The following ZRANB3 variants were observed in gnomAD, a reference collection of about 807,000 sequenced individuals.
ZRANB3 encodes DNA annealing helicase and endonuclease ZRANB3.
In ZRANB3, 125 loss-of-function variants were observed where a neutral mutation model predicts 133.8. The ratio of observed to expected loss-of-function variants is 0.93; its 90% confidence interval spans 0.81 to 1.08. The LOEUF (loss-of-function observed/expected upper bound fraction) is 1.08, where lower values mean the gene tolerates loss of function less well. Ranked by LOEUF, ZRANB3 falls within the 50% of genes least tolerant of loss-of-function variation. The pLI is 0.00. For synonymous variants in ZRANB3, 387 were observed against 432.7 expected (o/e 0.89, Z 1.31); for missense variants, 1,229 against 1,275.5 (o/e 0.96, Z 0.56).
intron 2 of ZRANB3, among the ~76,000 whole-genome samples, chr2:135,414,391 CAAG>C (rs1444253917): frequency 2.1e-5 from 3 of 143,928 alleles, no homozygotes; most frequent in African/African-American, 7.3e-5. Flanking sequence ...AACAGTTCAA[CAAG>C]AAGAGCTAAC....
intron 8 of ZRANB3, among the ~76,000 whole-genome samples, chr2:135,291,842 G>T (rs1046316445): frequency 2.6e-5 from 4 of 151,648 alleles, no homozygotes. Flanking sequence ...GAGAACATGC[G>T]GTGTTTGGTT....
chr2:135,283,634 A>G (rs1558885231), intron 8 of ZRANB3, among the ~76,000 whole-genome samples: 1 of 151,524 alleles, frequency 6.6e-6, no homozygotes. Flanking sequence ...AAAAAAACTG[A>G]ATTCAATTTT....
rs182771661 is a variant in ZRANB3, at chr2:135,419,940, G to T, written c.162-29120C>A. Among the ~76,000 whole-genome samples, 22 of 150,888 alleles carry T rather than the reference G, an allele frequency of 1.5e-4. No homozygotes were observed. In the East Asian group the frequency reaches 4.1e-3, roughly 28 times the overall value. ...GTTTGTTAGGTTTTGTCTTTGATAG[G>T]GTTTTTAACACAATAGAATTTGTTT... On this transcript the variant is annotated intron_variant, in intron 2 of 20. Transcript: ENST00000264159.
rs78580463 is a variant in ZRANB3, at chr2:135,501,931, G to A, written c.161+2398C>T. Among the ~76,000 whole-genome samples, 22 of 152,230 alleles carry A rather than the reference G, an allele frequency of 1.4e-4. No individual in the cohort carries two copies. The East Asian group carries it at 4.2e-3, about 29-fold the overall frequency. ...TCCCTTTGTAATAAATAAGTCATCT[G>A]TAAGGTGATATTTTGAGACTCAAGG... On this transcript the variant is annotated intron_variant, in intron 2 of 20. Coordinates refer to ENST00000264159, the MANE Select transcript of ZRANB3 (RefSeq NM_032143.4).
At chr2:135,254,482 T>C (rs1679552973) in intron 12 of ZRANB3, among the ~76,000 whole-genome samples, 1 of 152,078 alleles carries the variant, frequency 6.6e-6, no homozygotes, top group Non-Finnish European at 1.5e-5. Flanking sequence ...GTGTCGTGGC[T>C]CACGCCTATA....
intron 2 of ZRANB3, among the ~76,000 whole-genome samples, chr2:135,411,988 T>C (rs1688323114): frequency 6.6e-6 from 1 of 152,186 alleles, no homozygotes; most frequent in Admixed American, 6.5e-5. Context: ...TAACATTTGG[T>C]ACACTTATTT....
rs978045986 is a variant in ZRANB3 at position 135,228,112 on chromosome 2, T to C, written c.1955-97A>G. On this transcript the variant is annotated intron_variant, in intron 13 of 20. Coordinates refer to ENST00000264159, the MANE Select transcript of ZRANB3 (RefSeq NM_032143.4). ...TTAGGTCTTATAAAAAGAAAGTGAA[T>C]AATGTTTATTCATATGTTCAAAACA... is the stretch of plus-strand genomic sequence containing the variant. 4 of 1,035,392 alleles carry C rather than the reference T, an allele frequency of 3.9e-6. No homozygotes were observed. In the African/African-American group the frequency reaches 6.5e-5, roughly 17 times the overall value. 64.1% of individuals were successfully genotyped at this position (1,035,392 alleles called of 1,614,324 possible). A position where few individuals can be genotyped will look rare whatever the true frequency, so the allele number is the denominator to read the frequency against.
At chr2:135,216,228 T>G (rs1399354576) in intron 17 of ZRANB3, among the ~76,000 whole-genome samples, 1 of 152,182 alleles carries the variant, frequency 6.6e-6, no homozygotes, top group Non-Finnish European at 1.5e-5. Context: ...CTATCATAAT[T>G]TATTTAATCA....
chr2:135,399,652 A>C (rs1202753849), intron 2 of ZRANB3, among the ~76,000 whole-genome samples: 1 of 152,224 alleles, frequency 6.6e-6, no homozygotes, highest in Non-Finnish European at 1.5e-5. Flanking sequence ...TAGTATTGTT[A>C]CTAAAAATAT....
intron 2 of ZRANB3, among the ~76,000 whole-genome samples, chr2:135,399,231 C>T (rs1029784473): frequency 4.6e-5 from 7 of 152,150 alleles, no homozygotes; most frequent in Admixed American, 3.9e-4. Context: ...CGAGAAGCAA[C>T]CTCTGGACCT....
intron 5 of ZRANB3, among the ~76,000 whole-genome samples, chr2:135,347,691 A>G (rs893920648): frequency 5.9e-5 from 9 of 152,226 alleles, no homozygotes; most frequent in Admixed American, 1.3e-4. Flanking sequence ...CTTTATATCC[A>G]TTTAATATGA....
At chr2:135,313,429 A>C in intron 8 of ZRANB3, 60 bp downstream of exon 8, 3 of 1,098,378 alleles carry the variant, frequency 2.7e-6, no homozygotes, top group Non-Finnish European at 4.0e-6. Context: ...AATTAAAAAC[A>C]GTAAAAGACA....
At chr2:135,489,579 G>T (rs1044223018) in intron 2 of ZRANB3, among the ~76,000 whole-genome samples, 10 of 151,822 alleles carry the variant, frequency 6.6e-5, no homozygotes, top group Admixed American at 2.0e-4. Flanking sequence ...GAGCTCAGGG[G>T]AGCTATGGTC....
chr2:135,468,870 ATTCTAT>A (rs952975462), intron 2 of ZRANB3, among the ~76,000 whole-genome samples: 5 of 152,222 alleles, frequency 3.3e-5, no homozygotes, highest in Admixed American at 3.3e-4. Flanking sequence ...AGTAGCCTGA[ATTCTAT>A]TTCTATCTTT....
chr2:135,372,614 G>A (rs990188982), intron 3 of ZRANB3, among the ~76,000 whole-genome samples: 2 of 151,814 alleles, frequency 1.3e-5, no homozygotes, highest in Non-Finnish European at 2.9e-5. Flanking sequence ...GGTGAAACCC[G>A]TCTCTACTAA....
In ZRANB3 at chr2:135,258,449, A is replaced by G. The variant is rs77597238; in HGVS notation, c.1539+7085T>C. ...TGGTAAAAGGGGATTCAATCTGTGAAGCGCAAAGCCTGCTAGCAGGACTCT... is the reference window on the plus strand; with the variant it reads ...TGGTAAAAGGGGATTCAATCTGTGAGGCGCAAAGCCTGCTAGCAGGACTCT... On this transcript the variant is annotated intron_variant, in intron 12 of 20. Transcript: ENST00000264159. 7.6e-3 allele frequency among the ~76,000 whole-genome samples: 1,159 copies of G among 152,248 alleles called. 14 individuals are homozygous for G. Among genetic ancestry groups the G allele is most frequent in the African/African-American group, 0.025 (1,048 of 41,556 alleles).
At chr2:135,348,092 C>T (rs1685027153) in intron 5 of ZRANB3, among the ~76,000 whole-genome samples, 1 of 151,910 alleles carries the variant, frequency 6.6e-6, no homozygotes, top group Admixed American at 6.6e-5. Flanking sequence ...AATCCCGTCT[C>T]TACTCAAAAT....
At chr2:135,258,950 C>T (rs1227034382) in intron 12 of ZRANB3, among the ~76,000 whole-genome samples, 1 of 152,178 alleles carries the variant, frequency 6.6e-6, no homozygotes, top group Non-Finnish European at 1.5e-5. Context: ...TTAACTTGCA[C>T]TTTTTACCAC....
intron 2 of ZRANB3, among the ~76,000 whole-genome samples, chr2:135,391,291 C>CA (rs1348475741): frequency 2.0e-5 from 3 of 152,156 alleles, no homozygotes; most frequent in Non-Finnish European, 4.4e-5. Context: ...TATGACTCTC[C>CA]AGCTGCCAAA....
Sources: allele counts gnomAD v4.1 joint callset (sites outside exome capture counted in the v4.1 genomes callset), GRCh38; gene constraint gnomAD v4.1.1; transcripts MANE v1.5; gene names NCBI Gene and HGNC (gene_info 2026-07-23, HGNC 2026-07-21).